The following SLC2A14 variants were observed in gnomAD, a reference collection of about 807,000 sequenced individuals.
SLC2A14 encodes solute carrier family 2 member 14.
SLC2A14 carries 13 observed loss-of-function variants against 43.0 expected under a neutral mutation model. The observed-to-expected ratio is 0.30, with a 90% CI of 0.20 to 0.48. The LOEUF is 0.48. SLC2A14 is among the 20% of genes least tolerant of loss of function. SLC2A14 has a pLI of 0.99. For missense variants in SLC2A14, 428 were observed against 620.4 expected, an observed-to-expected ratio of 0.69 and a Z score of 3.29; for synonymous variants, 190 against 233.8, an observed-to-expected ratio of 0.81 and a Z score of 1.71.
At chr12:7,841,556 G>A (rs1037342613) in intron 2 of SLC2A14, among the ~76,000 whole-genome samples, 9 of 152,224 alleles carry the variant, frequency 5.9e-5, no homozygotes, top group African/African-American at 1.7e-4. Context: ...CCAGCTCGCC[G>A]AGCCACATCT....
intron 2 of SLC2A14, chr12:7,839,728 T>A (rs1396376486): frequency 2.5e-6 from 1 of 405,198 alleles, no homozygotes; most frequent in Non-Finnish European, 4.8e-6. Flanking sequence ...TTTTGGGAAG[T>A]GACTGAGTCA....
intron 2 of SLC2A14, among the ~76,000 whole-genome samples, chr12:7,862,264 CAAAAAAAAAAA>C (rs71038792): frequency 2.4e-4 from 14 of 58,922 alleles, no homozygotes; most frequent in Admixed American, 1.7e-3. Context: ...ACTTGTCTCT[CAAAAAAAAAAA>C]AAAAAAAAAA....
intron 1 of SLC2A14, among the ~76,000 whole-genome samples, chr12:7,882,351 A>G (rs1945597277): frequency 6.6e-6 from 1 of 151,958 alleles, no homozygotes; most frequent in Non-Finnish European, 1.5e-5. Context: ...GTCCAAACAC[A>G]TCTGAACATC....
intron 7 of SLC2A14, among the ~76,000 whole-genome samples, chr12:7,827,258 G>C (rs2120748025): frequency 7.2e-6 from 1 of 138,940 alleles, no homozygotes. Context: ...ACCACGTCCA[G>C]CTAATTTTTG....
At chr12:7,824,991 G>A (rs960483728) in intron 7 of SLC2A14, among the ~76,000 whole-genome samples, 1 of 151,762 alleles carries the variant, frequency 6.6e-6, no homozygotes. Flanking sequence ...CACTGTCCCC[G>A]GCCCAGATTT....
At chr12:7,874,935 A>T (rs1391576585), upstream of SLC2A14, among the ~76,000 whole-genome samples, 1 of 65,878 alleles carries the variant, frequency 1.5e-5, no homozygotes. Flanking sequence ...ATTTATATAT[A>T]ATTTATATAT....
chr12:7,889,547 T>TC, intron 1 of SLC2A14, among the ~76,000 whole-genome samples: 1 of 149,782 alleles, frequency 6.7e-6, no homozygotes, highest in Non-Finnish European at 1.5e-5. Flanking sequence ...TCCCCCTTTT[T>TC]TTTTTGAGAT....
chr12:7,877,953 G>A (rs4469970), upstream of SLC2A14, among the ~76,000 whole-genome samples: 148,006 of 152,100 alleles, frequency 0.97, 72,120 homozygotes, highest in Non-Finnish European at 1. Context: ...ATGTTGGTTA[G>A]GCTGGTCTCG....
chr12:7,875,715 G>A (rs748136016), upstream of SLC2A14, among the ~76,000 whole-genome samples: 24 of 152,014 alleles, frequency 1.6e-4, no homozygotes, highest in Non-Finnish European at 2.8e-4. Flanking sequence ...GCTCAAGCCT[G>A]TAATCCTAAC....
chr12:7,826,917 T>C (rs891160193), intron 7 of SLC2A14, among the ~76,000 whole-genome samples: 3 of 103,310 alleles, frequency 2.9e-5, no homozygotes, highest in African/African-American at 6.6e-5. Context: ...TTCTTTCTTT[T>C]TCCTTTTTCT....
chr12:7,874,772 CATATATAAATATATAAAT>C (rs1945391951), upstream of SLC2A14, among the ~76,000 whole-genome samples: 1 of 78,572 alleles, frequency 1.3e-5, no homozygotes, highest in African/African-American at 5.7e-5. Context: ...ACTATATAAA[CATATATAAATATATAAAT>C]ATATAAATAA....
intron 1 of SLC2A14, among the ~76,000 whole-genome samples, chr12:7,884,768 T>A (rs1945659489): frequency 6.6e-6 from 1 of 152,170 alleles, no homozygotes. Context: ...AAGGTTCTAT[T>A]TTTGTTTGTT....
chr12:7,849,615 T>G (rs1866756606), intron 2 of SLC2A14, among the ~76,000 whole-genome samples: 1 of 151,068 alleles, frequency 6.6e-6, no homozygotes. Flanking sequence ...ATTGAAAAAG[T>G]CTGGGCTGGG....
In SLC2A14 at chr12:7,832,954, G is replaced by A. The variant is rs1019242192; in HGVS notation, c.19-140C>T. ...AAGGACAAACATCAAACGAGATTTA[G>A]GTAATTAATCGGGAAGACAAAGTAA... On this transcript the variant is annotated intron_variant, in intron 2 of 10. Coordinates refer to ENST00000431042, the MANE Select transcript of SLC2A14 (RefSeq NM_001286234.2). 5.6e-6 allele frequency: 4 copies of A among 719,892 alleles called. No homozygotes were observed. The African/African-American group carries it at 7.1e-5, about 13-fold the overall frequency. The allele number at this position is 719,892 out of a possible 1,614,324, so 44.6% of individuals were successfully genotyped here. A position where few individuals can be genotyped will look rare whatever the true frequency, so the allele number is the denominator to read the frequency against.
At chr12:7,872,074 G>C (rs749245982) in intron 1 of SLC2A14, 37 of 237,242 alleles carry the variant, frequency 1.6e-4, no homozygotes, top group Non-Finnish European at 2.5e-4. Flanking sequence ...TTTAGTCTGT[G>C]TATTAAACTG....
In SLC2A14 at chr12:7,819,491, C is replaced by T. The variant is rs758897410; in HGVS notation, c.1062G>A (p.Leu354=). The T allele has an allele frequency of 6.2e-7, 1 of 1,612,100 alleles. No homozygotes were observed. Residue 354 remains leucine, a synonymous_variant, in exon 9 of 11, where the codon TTG becomes TTA. Coordinates refer to ENST00000431042, the MANE Select transcript of SLC2A14 (RefSeq NM_001286234.2). ...AFCSTLMTVS[L]LLKNHYNGMS... is the part of the protein sequence containing the mutation. ...CCCAAAGAGCACTTACCTTTAATAA[C>T]AAAGAAACAGTCATGAGCGTGGAAC...
intron 2 of SLC2A14, among the ~76,000 whole-genome samples, chr12:7,868,144 T>G (rs1435541101): frequency 6.6e-6 from 1 of 152,136 alleles, no homozygotes; most frequent in Non-Finnish European, 1.5e-5. Flanking sequence ...AACCCCAGCC[T>G]TTAGTAACCA....
intron 2 of SLC2A14, among the ~76,000 whole-genome samples, chr12:7,839,149 C>T (rs1351161708): frequency 2.1e-5 from 3 of 146,032 alleles, no homozygotes; most frequent in South Asian, 4.6e-4. Flanking sequence ...TATATACTGT[C>T]AAGTAATAAG....
At chr12:7,874,252 A>G (rs1369253423), upstream of SLC2A14, among the ~76,000 whole-genome samples, 1 of 152,134 alleles carries the variant, frequency 6.6e-6, no homozygotes, top group African/African-American at 2.4e-5. Flanking sequence ...TTATTAGAAC[A>G]TATGGCTACC....
Sources: gnomAD v4.1 joint callset for allele counts (sites outside exome capture counted in the v4.1 genomes callset) on GRCh38, gnomAD v4.1.1 for gene constraint, MANE v1.5 for transcripts, NCBI Gene and HGNC (gene_info 2026-07-23, HGNC 2026-07-21) for gene names.